Variants in CCNYL1 observed in about 807,000 individuals in gnomAD.
CCNYL1 encodes the protein cyclin-Y-like protein 1.
CCNYL1 carries 16 observed loss-of-function variants against 44.2 expected under a neutral mutation model. The observed-to-expected ratio is 0.36, with a 90% CI of 0.25 to 0.55. The LOEUF (loss-of-function observed/expected upper bound fraction) is 0.55, where lower values mean the gene tolerates loss of function less well. Among genes scored for constraint, CCNYL1 ranks in the 20% least tolerant of loss-of-function variants. The pLI, the probability that CCNYL1 is intolerant of heterozygous loss-of-function variation, is 0.85. For synonymous variants in CCNYL1, 159 were observed against 163.2 expected, an observed-to-expected ratio of 0.97 and a Z score of 0.20; for missense variants, 348 against 451.8, an observed-to-expected ratio of 0.77 and a Z score of 2.08.
At chr2:207,737,076 C>G (rs189324477) in intron 4 of CCNYL1, among the ~76,000 whole-genome samples, 1 of 152,086 alleles carries the variant, frequency 6.6e-6, no homozygotes, top group African/African-American at 2.4e-5. Flanking sequence ...CTACCACGCC[C>G]GGCTAATTTT....
intron 1 of CCNYL1, among the ~76,000 whole-genome samples, chr2:207,713,159 A>G (rs2091566755): frequency 1.3e-5 from 2 of 152,266 alleles, no homozygotes; most frequent in East Asian, 3.9e-4. Flanking sequence ...GATTACTTTA[A>G]AATTCCCACG....
chr2:207,726,155 C>T (rs2091679063), intron 2 of CCNYL1, among the ~76,000 whole-genome samples: 1 of 152,188 alleles, frequency 6.6e-6, no homozygotes, highest in Admixed American at 6.5e-5. Context: ...TGATACTTGT[C>T]TAGCATCAAA....
intron 3 of CCNYL1, among the ~76,000 whole-genome samples, chr2:207,728,178 G>A (rs1575213362): frequency 6.6e-6 from 1 of 152,052 alleles, no homozygotes; most frequent in South Asian, 2.1e-4. Flanking sequence ...TGGCCAGGCT[G>A]GTCTCGAACT....
intron 9 of CCNYL1, among the ~76,000 whole-genome samples, 162 bp downstream of exon 9, chr2:207,751,281 A>G (rs1156639127): frequency 6.6e-6 from 1 of 152,256 alleles, no homozygotes; most frequent in Non-Finnish European, 1.5e-5. Flanking sequence ...TGTGTCTTGT[A>G]TGGTTTATAC....
chr2:207,715,524 C>A (rs924782302), intron 1 of CCNYL1, among the ~76,000 whole-genome samples: 7 of 151,206 alleles, frequency 4.6e-5, no homozygotes, highest in African/African-American at 1.7e-4. Context: ...GGATTACAGG[C>A]ATATGCCACC....
intron 4 of CCNYL1, among the ~76,000 whole-genome samples, chr2:207,735,538 C>T (rs1238688714): frequency 6.6e-6 from 1 of 152,122 alleles, no homozygotes; most frequent in Non-Finnish European, 1.5e-5. Context: ...CCAAAATTTG[C>T]AGCACATTGG....
At chr2:207,753,454 A>G in intron 9 of CCNYL1, 134 bp from the exon 10 acceptor site, 1 of 593,692 alleles carries the variant, frequency 1.7e-6, no homozygotes. Flanking sequence ...TGGCAGTGTA[A>G]AACTCAGCCA....
chr2:207,729,907 G>T (rs1376966913), intron 3 of CCNYL1, among the ~76,000 whole-genome samples: 2 of 151,870 alleles, frequency 1.3e-5, no homozygotes, highest in Non-Finnish European at 2.9e-5. Flanking sequence ...GTAGAGACAG[G>T]GTTTTGCCGT....
At chr2:207,745,440 A>G (rs192490082) in intron 7 of CCNYL1, among the ~76,000 whole-genome samples, 17 of 152,310 alleles carry the variant, frequency 1.1e-4, no homozygotes, top group African/African-American at 2.4e-4. Context: ...GGGATTGTCT[A>G]TGTTGTTTCC....
rs1189407043 is a variant in CCNYL1, at chr2:207,755,871, C to A, written c.*2173C>A. 3.9e-5 allele frequency: 6 copies of A among 152,090 alleles called. No homozygotes were observed. Among genetic ancestry groups the A allele is most frequent in the Non-Finnish European group, 7.4e-5 (5 of 67,986 alleles). 9.4% of individuals were successfully genotyped at this position (152,090 alleles called of 1,614,324 possible). On this transcript the variant is annotated 3_prime_UTR_variant, in exon 10 of 10. Transcript: ENST00000295414. ...TTCTCCTACTTTCTCAAATCTAATC[C>A]TAGGAATCTTGCTTATAAACAAAGC... is the stretch of plus-strand genomic sequence containing the variant.
intron 1 of CCNYL1, among the ~76,000 whole-genome samples, chr2:207,720,033 C>CA (rs1209430505): frequency 3.3e-5 from 5 of 151,662 alleles, no homozygotes; most frequent in Non-Finnish European, 7.4e-5. Flanking sequence ...AATAAAAATA[C>CA]AAAAATTAGT....
At position 207,755,781 on chromosome 2, in the gene CCNYL1, C is replaced by T. The variant is rs1054816530; in HGVS notation, c.*2083C>T. ...CAAGGAGCAAATAATTTTAGGAGAC[C>T]GATAATGTCACCTAAATTTGAAATA... On this transcript the variant is annotated 3_prime_UTR_variant, in exon 10 of 10. Coordinates refer to ENST00000295414, the MANE Select transcript of CCNYL1 (RefSeq NM_001330218.2). 3.3e-5 allele frequency: 5 copies of T among 152,082 alleles called. No individual in the cohort carries two copies. The highest frequency in any genetic ancestry group is 5.9e-5 in the Non-Finnish European group (4 of 68,024). 9.4% of individuals were successfully genotyped at this position (152,082 alleles called of 1,614,324 possible).
At chr2:207,737,530 C>A in intron 5 of CCNYL1, 84 bp downstream of exon 5, 1 of 1,094,690 alleles carries the variant, frequency 9.1e-7, no homozygotes, top group Non-Finnish European at 1.4e-6. Flanking sequence ...TAACTATAGA[C>A]ATCATAAGCT....
chr2:207,740,047 A>C (rs1255479895), intron 5 of CCNYL1, among the ~76,000 whole-genome samples: 1 of 152,188 alleles, frequency 6.6e-6, no homozygotes, highest in Non-Finnish European at 1.5e-5. Flanking sequence ...TTGGAAAAGG[A>C]TCTAGAGGGT....
chr2:207,737,911 G>A (rs898718798), intron 5 of CCNYL1, among the ~76,000 whole-genome samples: 29 of 151,978 alleles, frequency 1.9e-4, no homozygotes, highest in Admixed American at 1.5e-3. Flanking sequence ...CTACAACAAC[G>A]AAGTTGAGTA....
intron 9 of CCNYL1, 136 bp downstream of exon 9, chr2:207,751,255 T>TCAG: frequency 1.4e-6 from 1 of 696,068 alleles, no homozygotes; most frequent in Non-Finnish European, 2.3e-6. Flanking sequence ...TATTAGCCCT[T>TCAG]TGGCGTCAGA....
rs369686216 is a variant in CCNYL1, at chr2:207,712,111, C to G, written c.215C>G (p.Pro72Arg). Reference protein sequence around the residue: ...HLQHISDREMPEDLALESNPS... With the variant: ...HLQHISDREMREDLALESNPS... The stretch of plus-strand genomic sequence containing the variant: ...CAGCACATCAGCGACCGCGAGATGC[C>G]CGAAGGTAAGGAGGCGGCGGATGCC... The change falls in exon 1 of 10, where the codon CCC (proline) becomes CGC (arginine). Residue 72 changes from proline to arginine, a missense_variant. Around this residue, in one of 3 missense-constraint regions of CCNYL1, gnomAD observed 209 missense variants for 247.7 expected, o/e 0.84. Coordinates refer to ENST00000295414, the MANE Select transcript of CCNYL1 (RefSeq NM_001330218.2). 25 of 1,598,428 alleles carry G rather than the reference C, an allele frequency of 1.6e-5. No homozygotes were observed. The highest frequency in any genetic ancestry group is 2.1e-5 in the Non-Finnish European group (25 of 1,173,580).
rs201263386 is a variant in CCNYL1 at position 207,733,939 on chromosome 2, C to G, written c.331-8C>G. On this transcript the variant is annotated splice_polypyrimidine_tract_variant and splice_region_variant and intron_variant, in intron 3 of 9. Transcript: ENST00000295414. ...GTGACATTTTCTTCTATTTCCCTTC[C>G]CCTTCAGGTATCTCCAGGGCAGCTT... The G allele has an allele frequency of 1.3e-6, 2 of 1,567,274 alleles. No individual in the cohort carries two copies. Among genetic ancestry groups the G allele is most frequent in the African/African-American group, 2.7e-5 (2 of 73,790 alleles).
At chr2:207,717,969 A>G (rs2091609901) in intron 1 of CCNYL1, among the ~76,000 whole-genome samples, 1 of 150,682 alleles carries the variant, frequency 6.6e-6, no homozygotes, top group African/African-American at 2.4e-5. Flanking sequence ...CAGTGGCTCA[A>G]TCTTGGCTCA....
Sources: gnomAD v4.1 joint callset for allele counts (sites outside exome capture counted in the v4.1 genomes callset) on GRCh38, gnomAD v4.1.1 for gene constraint, gnomAD v4.1.1 regional missense constraint, MANE v1.5 for transcripts, NCBI Gene and HGNC (gene_info 2026-07-23, HGNC 2026-07-21) for gene names.